WASHC4: variants seen among roughly 807,000 people sequenced by gnomAD.
WASHC4 encodes WASH complex subunit 4.
In WASHC4, 86 loss-of-function variants were observed where a neutral mutation model predicts 166.6. The ratio of observed to expected loss-of-function variants is 0.52; its 90% CI spans 0.43 to 0.62. The LOEUF is 0.62. Among genes scored for constraint, WASHC4 ranks in the 20% least tolerant of loss-of-function variants. The pLI is 0.00. For missense variants in WASHC4, 1,262 were observed against 1,382.4 expected (o/e 0.91, Z 1.38); for synonymous variants, 446 against 451.6 (o/e 0.99, Z 0.16).
chr12:105,111,579 C>G (rs150539952), intron 2 of WASHC4, among the ~76,000 whole-genome samples: 1 of 152,086 alleles, frequency 6.6e-6, no homozygotes, highest in Non-Finnish European at 1.5e-5. Context: ...TTTGTTTTTT[C>G]TTGATTGAGA....
intron 28 of WASHC4, among the ~76,000 whole-genome samples, chr12:105,158,534 C>T (rs1884307994): frequency 1.3e-5 from 2 of 151,956 alleles, no homozygotes; most frequent in African/African-American, 4.8e-5. Flanking sequence ...AACACTTGGC[C>T]TGGACAAAAA....
intron 6 of WASHC4, 84 bp from the exon 7 acceptor site, chr12:105,118,362 T>C: frequency 1.0e-6 from 1 of 977,204 alleles, no homozygotes; most frequent in East Asian, 2.4e-5. Context: ...TTTGTTTTTG[T>C]TAGAGTTGTT....
chr12:105,165,333 G>A (rs1257047777), intron 32 of WASHC4, among the ~76,000 whole-genome samples: 1 of 152,138 alleles, frequency 6.6e-6, no homozygotes, highest in East Asian at 1.9e-4. Context: ...TACTTTTTAA[G>A]GCGTAAGAGC....
intron 30 of WASHC4, 110 bp downstream of exon 30, chr12:105,162,955 CTTTTTTCTTTTTTAT>C: frequency 1.6e-6 from 1 of 638,994 alleles, no homozygotes; most frequent in South Asian, 1.8e-5. Context: ...ATTTTTCTTT[CTTTTTTCTTTTTTAT>C]TTTTTTGAGA....
chr12:105,146,455 CTTGATG>C lies in WASHC4; in HGVS notation c.2341_2346del (p.Asp781_Val782del). On this transcript the variant is annotated inframe_deletion, in exon 23 of 33. Transcript: ENST00000332180. ...TTGTATGTGTATTATGTTGTAGGGC[CTTGATG>C]TTTTAGAAATTATGAGAAACATTCA... 1 of 1,563,284 alleles carries C rather than the reference CTTGATG, an allele frequency of 6.4e-7. No individual in the cohort carries two copies. Among genetic ancestry groups the C allele is most frequent in the East Asian group, 2.2e-5 (1 of 44,536 alleles).
At chr12:105,134,110 CG>C (rs1408493241) in intron 14 of WASHC4, among the ~76,000 whole-genome samples, 1 of 151,978 alleles carries the variant, frequency 6.6e-6, no homozygotes, top group Non-Finnish European at 1.5e-5. Flanking sequence ...TTAGCTGTAT[CG>C]TAGAAGTTTT....
intron 10 of WASHC4, among the ~76,000 whole-genome samples, chr12:105,123,753 T>C (rs1881009812): frequency 1.3e-5 from 2 of 152,246 alleles, no homozygotes. Flanking sequence ...GTGGCCACAC[T>C]TAGCAACAGA....
chr12:105,113,613 A>G (rs1000402105), intron 2 of WASHC4, among the ~76,000 whole-genome samples: 10 of 152,070 alleles, frequency 6.6e-5, no homozygotes, highest in Non-Finnish European at 1.5e-4. Context: ...AAGGGTATAT[A>G]ATAACTTACT....
chr12:105,129,003 T>C (rs932611977), intron 13 of WASHC4, among the ~76,000 whole-genome samples: 1 of 150,282 alleles, frequency 6.7e-6, no homozygotes, highest in Admixed American at 6.7e-5. Context: ...TGGAGTGCAG[T>C]GGTGTGATCT....
At chr12:105,149,455 G>A (rs961181961) in intron 24 of WASHC4, 160 bp from the exon 25 acceptor site, 20 of 1,052,318 alleles carry the variant, frequency 1.9e-5, no homozygotes, top group Non-Finnish European at 2.1e-5. Context: ...AATAAAAAAT[G>A]TTATTTAAAT....
Position 105,164,593 on chromosome 12 carries a change from CATA to C in WASHC4, c.3355-43_3355-41del, listed in dbSNP as rs764370890. 47 of 1,309,890 alleles carry C rather than the reference CATA, an allele frequency of 3.6e-5. No individual in the cohort carries two copies. The African/African-American group carries it at 6.0e-4, about 17-fold the overall frequency. 81.1% of individuals were successfully genotyped at this position (1,309,890 alleles called of 1,614,324 possible). ...AATGCATATATTTTTGGTATTTTGCCATAATAAGTATTTTTGGTTTTTATTTCA... is the reference window on the plus strand; with the variant it reads ...AATGCATATATTTTTGGTATTTTGCCATAAGTATTTTTGGTTTTTATTTCA... On this transcript the variant is annotated intron_variant, in intron 31 of 32. Coordinates refer to ENST00000332180, the MANE Select transcript of WASHC4 (RefSeq NM_015275.3).
chr12:105,130,940 T>C (rs117694955), intron 13 of WASHC4, among the ~76,000 whole-genome samples: 1 of 152,232 alleles, frequency 6.6e-6, no homozygotes, highest in Non-Finnish European at 1.5e-5. Flanking sequence ...TTTGTTTTTT[T>C]ACCTTGGTAT....
chr12:105,110,255 T>C (rs1879539921), intron 1 of WASHC4, among the ~76,000 whole-genome samples: 1 of 152,218 alleles, frequency 6.6e-6, no homozygotes, highest in African/African-American at 2.4e-5. Flanking sequence ...ACACTTTCTC[T>C]TACTTGCTTC....
chr12:105,116,803 A>G (rs781483444), intron 6 of WASHC4, among the ~76,000 whole-genome samples: 1 of 152,208 alleles, frequency 6.6e-6, no homozygotes, highest in Non-Finnish European at 1.5e-5. Context: ...GAGGACAAAG[A>G]AAATACTGAG....
chr12:105,133,646 T>C (rs1882057210), intron 13 of WASHC4, 124 bp from the exon 14 acceptor site: 1 of 788,254 alleles, frequency 1.3e-6, no homozygotes, highest in South Asian at 1.5e-5. Context: ...GTCTATGTAA[T>C]ATTTATCTTT....
intron 32 of WASHC4, among the ~76,000 whole-genome samples, chr12:105,166,345 G>T (rs986856483): frequency 6.6e-6 from 1 of 152,002 alleles, no homozygotes; most frequent in African/African-American, 2.4e-5. Flanking sequence ...GTGAAAAGCT[G>T]TTTCATTTAA....
intron 23 of WASHC4, 145 bp downstream of exon 23, chr12:105,146,671 A>T: frequency 3.1e-6 from 2 of 641,754 alleles, no homozygotes; most frequent in Non-Finnish European, 5.5e-6. Context: ...TTTTGCCTTG[A>T]TTATACCAGT....
At chr12:105,115,753 A>G in intron 6 of WASHC4, 25 bp downstream of exon 6, 1 of 1,460,376 alleles carries the variant, frequency 6.8e-7, no homozygotes, top group Non-Finnish European at 9.6e-7. Flanking sequence ...CTTTCTACTG[A>G]GCTTTTACTT....
intron 15 of WASHC4, among the ~76,000 whole-genome samples, chr12:105,139,427 A>G (rs11112384): frequency 0.035 from 1,672 of 47,566 alleles, 30 homozygotes; most frequent in African/African-American, 0.12. Flanking sequence ...GTGTGTGTGT[A>G]TATATATATA....
Sources: gnomAD v4.1 joint callset for allele counts (sites outside exome capture counted in the v4.1 genomes callset) on GRCh38, gnomAD v4.1.1 for gene constraint, MANE v1.5 for transcripts, NCBI Gene and HGNC (gene_info 2026-07-23, HGNC 2026-07-21) for gene names.